The following PAQR4 variants were observed in gnomAD, a reference collection of about 807,000 sequenced individuals.
PAQR4 encodes progestin and adipoQ receptor family member IV.
A neutral mutation model predicts 20.9 loss-of-function variants in PAQR4; 26 were observed. That is an observed-to-expected ratio of 1.24 (90% CI 0.91 to 1.73). PAQR4 has a LOEUF of 1.73. Among genes scored for constraint, PAQR4 ranks in the 40% most tolerant of loss-of-function variants. PAQR4 has a pLI of 0.00. For missense variants in PAQR4, 400 were observed against 380.1 expected (o/e 1.05, Z -0.44); for synonymous variants, 193 against 171.6 (o/e 1.12, Z -0.97).
At chr16:2,971,100 TG>T in intron 1 of PAQR4, 56 bp from the exon 2 acceptor site, 1 of 1,530,148 alleles carries the variant, frequency 6.5e-7, no homozygotes. Context: ...GTCTGAACCG[TG>T]GTCCCCTTGA....
rs996879202 is a variant in PAQR4, at chr16:2,972,746, G to A, written c.*798G>A. ...TGCAGCAGGGCTCAGCCTCAGGGGCGTTAAGACCCTGGATGACATCAATAA... is the reference window on the plus strand; with the variant it reads ...TGCAGCAGGGCTCAGCCTCAGGGGCATTAAGACCCTGGATGACATCAATAA... On this transcript the variant is annotated 3_prime_UTR_variant, in exon 3 of 3. Coordinates refer to ENST00000318782, the MANE Select transcript of PAQR4 (RefSeq NM_152341.5). 29 of 1,537,338 alleles carry A rather than the reference G, an allele frequency of 1.9e-5. No homozygotes were observed. In the African/African-American group the frequency reaches 2.3e-4, roughly 12 times the overall value.
Position 2,969,551 on chromosome 16 carries a change from G to T in PAQR4, c.-124G>T. 3 of 1,154,546 alleles carry T rather than the reference G, an allele frequency of 2.6e-6. No individual in the cohort carries two copies. The highest frequency in any genetic ancestry group is 3.4e-6 in the Non-Finnish European group (3 of 888,818). The allele number at this position is 1,154,546 out of a possible 1,614,324, so 71.5% of individuals were successfully genotyped here. A position where few individuals can be genotyped will look rare whatever the true frequency, so the allele number is the denominator to read the frequency against. On this transcript the variant is annotated 5_prime_UTR_variant, in exon 1 of 3. Coordinates refer to ENST00000318782, the MANE Select transcript of PAQR4 (RefSeq NM_152341.5). ...TAGCCAGCGCGTGCGCCGATCGAGC[G>T]CAGGGCGATGGGTGGGCGCCGGGCG...
chr16:2,972,612 T>C lies in PAQR4; in HGVS notation c.*664T>C. The C allele has an allele frequency of 6.5e-7, 1 of 1,534,470 alleles. No homozygotes were observed. The highest frequency in any genetic ancestry group is 8.7e-7 in the Non-Finnish European group (1 of 1,146,242). ...CTGCCCTCCACCTTGAGTGCCATAC[T>C]CCCAACAGCTCCAGGTACCCACCGG... On this transcript the variant is annotated 3_prime_UTR_variant, in exon 3 of 3. Coordinates refer to ENST00000318782, the MANE Select transcript of PAQR4 (RefSeq NM_152341.5).
chr16:2,969,901 G>A (rs1001398623), intron 1 of PAQR4, 61 bp downstream of exon 1: 2 of 1,591,364 alleles, frequency 1.3e-6, no homozygotes, highest in Admixed American at 1.7e-5. Flanking sequence ...CGTTGGGCCG[G>A]GGGCACTGAG....
intron 1 of PAQR4, among the ~76,000 whole-genome samples, chr16:2,970,417 G>C (rs1287651437): frequency 6.6e-6 from 1 of 152,252 alleles, no homozygotes; most frequent in Non-Finnish European, 1.5e-5. Context: ...TGCCTTTCCC[G>C]AGCTTTTGCC....
chr16:2,972,577 T>C lies in PAQR4; in HGVS notation c.*629T>C, dbSNP rs1228502937. On this transcript the variant is annotated 3_prime_UTR_variant, in exon 3 of 3. Coordinates refer to ENST00000318782, the MANE Select transcript of PAQR4 (RefSeq NM_152341.5). ...CAGCGGCCTCAGATCCTGGGACCCC[T>C]GGGCCGTGCCTGCCCTCCACCTTGA... 6 of 1,519,786 alleles carry C rather than the reference T, an allele frequency of 3.9e-6. No individual in the cohort carries two copies. The highest frequency in any genetic ancestry group is 2.0e-5 in the Admixed American group (1 of 49,738). The allele number at this position is 1,519,786 out of a possible 1,614,324, so 94.1% of individuals were successfully genotyped here.
chr16:2,969,475 G>C lies in PAQR4; in HGVS notation c.-200G>C. 2.8e-6 allele frequency: 1 copy of C among 356,900 alleles called. No individual in the cohort carries two copies. Among genetic ancestry groups the C allele is most frequent in the Non-Finnish European group, 4.6e-6 (1 of 218,098 alleles). The allele number at this position is 356,900 out of a possible 1,614,324, so 22.1% of individuals were successfully genotyped here. A position where few individuals can be genotyped will look rare whatever the true frequency, so the allele number is the denominator to read the frequency against. On this transcript the variant is annotated 5_prime_UTR_variant, in exon 1 of 3. Transcript: ENST00000318782. ...CCCCAGCCTCCGCCCCGGCGCGGGG[G>C]CGACGGACTCGCGCGTGCGCAGCGC...
At position 2,971,777 on chromosome 16, in the gene PAQR4, A is replaced by T; in HGVS notation, c.651A>T (p.Gly217=). The T allele has an allele frequency of 1.2e-6, 2 of 1,612,736 alleles. No homozygotes were observed. Among genetic ancestry groups the T allele is most frequent in the Non-Finnish European group, 1.7e-6 (2 of 1,179,874 alleles). Residue 217 remains glycine, a synonymous_variant, in exon 3 of 3, where the codon GGA becomes GGT. Transcript: ENST00000318782. ...LRMDALALLG[G]LVNVARLPER... ...TGGACGCACTGGCGCTGCTTGGGGG[A>T]CTGGTAAATGTAGCCCGTCTGCCCG...
chr16:2,973,056 A>T lies in PAQR4; in HGVS notation c.*1108A>T. 6.2e-7 allele frequency: 1 copy of T among 1,603,980 alleles called. No homozygotes were observed. The highest frequency in any genetic ancestry group is 8.5e-7 in the Non-Finnish European group (1 of 1,176,246). ...CTCTGAGTTGATGTCACTTAGGTCCAGGGCATCCCTGGGAGGAGAGAGTAG... is the reference window on the plus strand; with the variant it reads ...CTCTGAGTTGATGTCACTTAGGTCCTGGGCATCCCTGGGAGGAGAGAGTAG... On this transcript the variant is annotated 3_prime_UTR_variant, in exon 3 of 3. Coordinates refer to ENST00000318782, the MANE Select transcript of PAQR4 (RefSeq NM_152341.5).
chr16:2,969,622 G>A lies in PAQR4; in HGVS notation c.-53G>A, dbSNP rs2071923918. The stretch of plus-strand genomic sequence containing the variant: ...GGCCTTCCCGCGCTGCGGCCCCACT[G>A]AGGAGGAGGCTCGGGGACAGCAGGA... On this transcript the variant is annotated 5_prime_UTR_variant, in exon 1 of 3. The change abolishes the stop of an existing upstream ORF in the 5' untranslated region. Transcript: ENST00000318782. 7.7e-6 allele frequency: 11 copies of A among 1,426,636 alleles called. No individual in the cohort carries two copies. Among genetic ancestry groups the A allele is most frequent in the Non-Finnish European group, 1.0e-5 (11 of 1,094,138 alleles). 88.4% of individuals were successfully genotyped at this position (1,426,636 alleles called of 1,614,324 possible).
At position 2,971,520 on chromosome 16, in the gene PAQR4, C is replaced by T. The variant is rs1422477178; in HGVS notation, c.394C>T (p.Leu132=). ...GVCLVNTLGA[L]PIIHCTLACR... Reference sequence around the variant, plus strand: ...TGTTCTCTCCTCTTGTGCAGGGGCCCTGCCCATCATCCACTGCACCCTGGC... The same window carrying T: ...TGTTCTCTCCTCTTGTGCAGGGGCCTTGCCCATCATCCACTGCACCCTGGC... The change falls in exon 3 of 3, where the codon CTG becomes TTG. Residue 132 remains leucine, a synonymous_variant. Transcript: ENST00000318782. 13 of 1,584,566 alleles carry T rather than the reference C, an allele frequency of 8.2e-6. No individual in the cohort carries two copies. The highest frequency in any genetic ancestry group is 1.1e-5 in the Non-Finnish European group (13 of 1,169,958).
At chr16:2,969,993 G>C in intron 1 of PAQR4, 153 bp downstream of exon 1, 1 of 1,049,904 alleles carries the variant, frequency 9.5e-7, no homozygotes, top group South Asian at 1.7e-5. Context: ...AGCTGCCATT[G>C]TCCCGGGCCG....
chr16:2,970,244 A>C (rs1394575613), intron 1 of PAQR4: 2 of 201,820 alleles, frequency 9.9e-6, no homozygotes, highest in Non-Finnish European at 2.0e-5. Context: ...CCCCCGCCCC[A>C]AGCCGCTCTG....
Position 2,971,499 on chromosome 16 carries a change from C to G in PAQR4, c.389-16C>G, listed in dbSNP as rs911489644. On this transcript the variant is annotated splice_polypyrimidine_tract_variant and intron_variant, in intron 2 of 2. Coordinates refer to ENST00000318782, the MANE Select transcript of PAQR4 (RefSeq NM_152341.5). ...TCACAATGACATGCCCTCTCCTGTTCTCTCCTCTTGTGCAGGGGCCCTGCC... is the reference window on the plus strand; with the variant it reads ...TCACAATGACATGCCCTCTCCTGTTGTCTCCTCTTGTGCAGGGGCCCTGCC... 3.2e-6 allele frequency: 5 copies of G among 1,578,902 alleles called. No homozygotes were observed. Among genetic ancestry groups the G allele is most frequent in the African/African-American group, 1.3e-5 (1 of 74,538 alleles).
rs747730803 is a variant in PAQR4, at chr16:2,971,258, C to T, written c.268C>T (p.Leu90Phe). Residue 90 changes from leucine (L) to phenylalanine (F), a missense_variant, in exon 2 of 3, where the codon CTT becomes TTT. Transcript: ENST00000318782. ...WLGGTHCVAC[L>F]APPAGSVLYH... ...GGGAGGCACACATTGCGTGGCCTGCCTTGCACCCCCTGCAGGCTCCGTGCT... is the reference window on the plus strand; with the variant it reads ...GGGAGGCACACATTGCGTGGCCTGCTTTGCACCCCCTGCAGGCTCCGTGCT... 1.2e-6 allele frequency: 2 copies of T among 1,613,150 alleles called. No homozygotes were observed. Among genetic ancestry groups the T allele is most frequent in the Admixed American group, 1.7e-5 (1 of 60,032 alleles).
chr16:2,970,596 C>A (rs567121903), intron 1 of PAQR4, among the ~76,000 whole-genome samples: 3 of 152,204 alleles, frequency 2.0e-5, no homozygotes, highest in African/African-American at 7.2e-5. Context: ...TCGAAGCCCC[C>A]TTCCCTTCAT....
chr16:2,969,691 G>GGCCGC lies in PAQR4; in HGVS notation c.21_25dup (p.Leu9ArgfsTer20). ...GTGCGGACCATGGCGTTCCTGGCCG[G>GGCCGC]GCCGCGCCTGCTGGACTGGGCCAGC... On this transcript the variant is annotated frameshift_variant, in exon 1 of 3. Coordinates refer to ENST00000318782, the MANE Select transcript of PAQR4 (RefSeq NM_152341.5). LOFTEE classifies it high-confidence loss of function. 1 of 1,579,294 alleles carries GGCCGC rather than the reference G, an allele frequency of 6.3e-7. No homozygotes were observed. Among genetic ancestry groups the GGCCGC allele is most frequent in the Non-Finnish European group, 8.6e-7 (1 of 1,165,110 alleles).
chr16:2,971,019 C>G (rs1451511782), intron 1 of PAQR4, 138 bp from the exon 2 acceptor site: 6 of 825,502 alleles, frequency 7.3e-6, no homozygotes, highest in South Asian at 1.7e-5. Flanking sequence ...CAGGGCCTGT[C>G]TCTGGCCAAG....
Position 2,973,197 on chromosome 16 carries a change from C to T in PAQR4, c.*1249C>T. On this transcript the variant is annotated 3_prime_UTR_variant, in exon 3 of 3. Coordinates refer to ENST00000318782, the MANE Select transcript of PAQR4 (RefSeq NM_152341.5). ...TCCCCACAGTCCGGGCCAGGACAGC[C>T]TCAGGGGAGAGTGAAGGCCTGCAGG... 2 of 1,514,944 alleles carry T rather than the reference C, an allele frequency of 1.3e-6. No individual in the cohort carries two copies. Among genetic ancestry groups the T allele is most frequent in the Non-Finnish European group, 1.8e-6 (2 of 1,128,098 alleles). 93.8% of individuals were successfully genotyped at this position (1,514,944 alleles called of 1,614,324 possible).
Sources: gnomAD v4.1 joint callset for allele counts (sites outside exome capture counted in the v4.1 genomes callset) on GRCh38, gnomAD v4.1.1 for gene constraint, MANE v1.5 for transcripts, NCBI Gene and HGNC (gene_info 2026-07-23, HGNC 2026-07-21) for gene names.